KHDRBS2: variants seen among roughly 807,000 people sequenced by gnomAD.
KHDRBS2 encodes KH domain-containing, RNA-binding, signal transduction-associated protein 2.
In KHDRBS2, 26 loss-of-function variants were observed where a neutral mutation model predicts 44.3. The ratio of observed to expected loss-of-function variants is 0.59; its 90% CI spans 0.43 to 0.81. The LOEUF (loss-of-function observed/expected upper bound fraction) is 0.81, where lower values mean the gene tolerates loss of function less well. KHDRBS2 is among the 40% of genes least tolerant of loss of function. The pLI is 0.00. For missense variants in KHDRBS2, 476 were observed against 433.1 expected (o/e 1.10, Z -0.88); for synonymous variants, 194 against 151.1 (o/e 1.28, Z -2.08).
chr6:62,208,955 TA>T (rs756565950), intron 1 of KHDRBS2, among the ~76,000 whole-genome samples: 51 of 152,306 alleles, frequency 3.3e-4, no homozygotes, highest in Non-Finnish European at 7.1e-4. Context: ...TGATTTTTTG[TA>T]TATCACACCA....
intron 4 of KHDRBS2, among the ~76,000 whole-genome samples, chr6:61,954,836 G>GTGTGTATA: frequency 3.3e-5 from 1 of 30,082 alleles, no homozygotes; most frequent in African/African-American, 1.2e-4. Flanking sequence ...ACATGCATAT[G>GTGTGTATA]TATGTATACA....
At chr6:61,576,269 T>C in the KHDRBS2 span, among the ~76,000 whole-genome samples, 5 of 152,272 alleles carry the variant, frequency 3.3e-5, no homozygotes, top group East Asian at 7.7e-4. Flanking sequence ...TTTATCAGTG[T>C]TTTGTAGTGT....
intron 2 of KHDRBS2, among the ~76,000 whole-genome samples, chr6:62,060,069 C>A (rs181710320): frequency 6.6e-6 from 1 of 151,624 alleles, no homozygotes; most frequent in African/African-American, 2.4e-5. Context: ...GAAGTTGGGG[C>A]GGGGACAGGA....
chr6:61,957,923 A>T (rs1767777604), intron 4 of KHDRBS2, among the ~76,000 whole-genome samples: 2 of 151,030 alleles, frequency 1.3e-5, no homozygotes, highest in African/African-American at 2.4e-5. Context: ...CAGCTTTAAA[A>T]TTTTCTCTCT....
rs944293894 is a variant in KHDRBS2, at chr6:61,978,112, G to A, written c.437C>T (p.Ser146Leu). The A allele has an allele frequency of 6.2e-7, 1 of 1,611,504 alleles. No homozygotes were observed. The highest frequency in any genetic ancestry group is 1.3e-5 in the African/African-American group (1 of 74,876). ...EVFAPPGEAY[S>L]RMSHALEEIK... The stretch of plus-strand genomic sequence containing the variant: ...CTCTTCCAATGCATGACTCATACGT[G>A]AATAAGCTTCCCCAGGTGGAGCAAA... The change falls in exon 4 of 9, where the codon TCA (serine) becomes TTA (leucine). Residue 146 changes from serine (S) to leucine (L), a missense_variant. Coordinates refer to ENST00000281156, the MANE Select transcript of KHDRBS2 (RefSeq NM_152688.4).
chr6:61,927,935 T>G (rs1250779857), intron 4 of KHDRBS2, among the ~76,000 whole-genome samples: 1 of 152,148 alleles, frequency 6.6e-6, no homozygotes, highest in Non-Finnish European at 1.5e-5. Flanking sequence ...GAATCTGTTA[T>G]GCAGATACAG....
intron 6 of KHDRBS2, among the ~76,000 whole-genome samples, chr6:61,875,285 T>G (rs114410922): frequency 2.0e-5 from 3 of 152,012 alleles, no homozygotes; most frequent in Admixed American, 2.0e-4. Context: ...TATAATGTTC[T>G]GTGCACAGTA....
At chr6:62,013,677 C>T (rs1053064949) in intron 3 of KHDRBS2, among the ~76,000 whole-genome samples, 11 of 152,084 alleles carry the variant, frequency 7.2e-5, no homozygotes, top group South Asian at 2.1e-4. Context: ...CTTTTGGAAA[C>T]GCTATGTTAG....
intron 2 of KHDRBS2, among the ~76,000 whole-genome samples, chr6:62,102,456 C>T (rs2127374694): frequency 6.6e-6 from 1 of 152,316 alleles, no homozygotes; most frequent in South Asian, 2.1e-4. Context: ...GAGGGTGTTA[C>T]AGCATGTCAC....
chr6:61,903,285 C>G (rs1252706169), intron 4 of KHDRBS2, among the ~76,000 whole-genome samples: 1 of 152,066 alleles, frequency 6.6e-6, no homozygotes, highest in Non-Finnish European at 1.5e-5. Flanking sequence ...AGCTTCTTCT[C>G]TGAGGAAAAC....
At chr6:61,825,832 A>C (rs1376982597) in intron 6 of KHDRBS2, among the ~76,000 whole-genome samples, 2 of 152,126 alleles carry the variant, frequency 1.3e-5, no homozygotes, top group Non-Finnish European at 2.9e-5. Flanking sequence ...GGATGATGAG[A>C]ATAGAACCTA....
intron 1 of KHDRBS2, among the ~76,000 whole-genome samples, chr6:62,212,827 A>T (rs1437106405): frequency 1.3e-5 from 2 of 152,086 alleles, no homozygotes; most frequent in African/African-American, 4.8e-5. Context: ...GTTTTAAACT[A>T]TACAGTTTTT....
the KHDRBS2 span, among the ~76,000 whole-genome samples, chr6:61,624,647 C>T: frequency 6.6e-6 from 1 of 152,044 alleles, no homozygotes; most frequent in Non-Finnish European, 1.5e-5. Flanking sequence ...ACCACAACAC[C>T]CAGAGGCAGC....
chr6:61,797,779 T>C (rs1162450568), intron 6 of KHDRBS2, among the ~76,000 whole-genome samples: 1 of 151,208 alleles, frequency 6.6e-6, no homozygotes, highest in Admixed American at 6.6e-5. Flanking sequence ...ATATATATCG[T>C]ATATAATTTA....
At chr6:62,119,197 A>G (rs1178724749) in intron 2 of KHDRBS2, among the ~76,000 whole-genome samples, 10 of 152,214 alleles carry the variant, frequency 6.6e-5, no homozygotes, top group Admixed American at 1.3e-4. Flanking sequence ...AGAACTTGGC[A>G]TAAACTGTTT....
intron 6 of KHDRBS2, among the ~76,000 whole-genome samples, chr6:61,851,579 T>A (rs1326104347): frequency 2.6e-5 from 4 of 152,080 alleles, no homozygotes; most frequent in Non-Finnish European, 4.4e-5. Flanking sequence ...GAGAGGCAAC[T>A]AAGCTAAGGA....
intron 6 of KHDRBS2, among the ~76,000 whole-genome samples, chr6:61,770,939 AG>A (rs1780780402): frequency 6.6e-6 from 1 of 152,220 alleles, no homozygotes; most frequent in Non-Finnish European, 1.5e-5. Flanking sequence ...CCAGAGAGAA[AG>A]GTCAGGTTAC....
chr6:61,701,137 A>G (rs1055736968), intron 7 of KHDRBS2, among the ~76,000 whole-genome samples: 4 of 151,942 alleles, frequency 2.6e-5, no homozygotes, highest in Non-Finnish European at 5.9e-5. Context: ...AAAGCAGGCT[A>G]TGGGCCTGGA....
chr6:61,929,697 A>T (rs911438083), intron 4 of KHDRBS2, among the ~76,000 whole-genome samples: 2 of 152,206 alleles, frequency 1.3e-5, no homozygotes, highest in African/African-American at 4.8e-5. Flanking sequence ...ATAACAAAAA[A>T]CACACTGCAA....
Sources: gnomAD v4.1 joint callset for allele counts (sites outside exome capture counted in the v4.1 genomes callset) on GRCh38, gnomAD v4.1.1 for gene constraint, MANE v1.5 for transcripts, NCBI Gene and HGNC (gene_info 2026-07-23, HGNC 2026-07-21) for gene names.